The following DGKB variants were observed in gnomAD, a reference collection of about 807,000 sequenced individuals.
DGKB encodes the protein diacylglycerol kinase beta, also known as 90 kDa diacylglycerol kinase.
A neutral mutation model predicts 114.3 loss-of-function variants in DGKB; 67 were observed. The observed-to-expected ratio is 0.59, with a 90% CI of 0.48 to 0.72. DGKB has a LOEUF of 0.72. Among genes scored for constraint, DGKB ranks in the 30% least tolerant of loss-of-function variants. The pLI is 0.00. For synonymous variants in DGKB, 398 were observed against 323.1 expected (o/e 1.23, Z -2.49); for missense variants, 907 against 975.2 (o/e 0.93, Z 0.93).
At chr7:14,518,388 A>T (rs1180053916) in intron 20 of DGKB, among the ~76,000 whole-genome samples, 1 of 151,920 alleles carries the variant, frequency 6.6e-6, no homozygotes, top group Non-Finnish European at 1.5e-5. Flanking sequence ...GTAGCAAAAT[A>T]ATCTGTATAT....
intron 4 of DGKB, among the ~76,000 whole-genome samples, chr7:14,750,465 G>C (rs187480179): frequency 5.3e-5 from 8 of 152,178 alleles, no homozygotes; most frequent in Non-Finnish European, 1.0e-4. Flanking sequence ...CTATTACTTT[G>C]GGTCGTATAC....
intron 21 of DGKB, among the ~76,000 whole-genome samples, chr7:14,368,443 C>A (rs571595040): frequency 6.6e-6 from 1 of 152,032 alleles, no homozygotes; most frequent in African/African-American, 2.4e-5. Flanking sequence ...TAGCACTAGG[C>A]GTGGCACACA....
At chr7:14,438,960 G>A (rs910739177) in intron 21 of DGKB, among the ~76,000 whole-genome samples, 5 of 150,770 alleles carry the variant, frequency 3.3e-5, no homozygotes, top group Non-Finnish European at 7.4e-5. Context: ...CTATATGTGG[G>A]AAAATTATAT....
Position 14,938,427 on chromosome 7 carries a change from T to G in DGKB, c.-188+36269A>C, listed in dbSNP as rs528182945. ...GAGTTTCCTTCTTAACTAAAATAAA[T>G]AAAGAAAACTTTCAGTTGCATTATT... On this transcript the variant is annotated intron_variant, in intron 1 of 4. Transcript: ENST00000437998. 1.2e-3 allele frequency among the ~76,000 whole-genome samples: 187 copies of G among 152,224 alleles called. 2 individuals are homozygous for G. The highest frequency in any genetic ancestry group is 4.4e-3 in the African/African-American group (183 of 41,558).
At chr7:14,549,878 G>C (rs917596588) in intron 20 of DGKB, among the ~76,000 whole-genome samples, 1 of 151,858 alleles carries the variant, frequency 6.6e-6, no homozygotes, top group Non-Finnish European at 1.5e-5. Context: ...GTCCCAGCTG[G>C]TTGAGAGGCT....
intron 23 of DGKB, among the ~76,000 whole-genome samples, chr7:14,264,773 G>T (rs1310107103): frequency 1.3e-5 from 2 of 152,108 alleles, no homozygotes; most frequent in Non-Finnish European, 2.9e-5. Flanking sequence ...CAGCCCATTT[G>T]TGCACCCAGA....
intron 25 of DGKB, 34 bp from the exon 26 acceptor site, chr7:14,149,272 ATAGAG>A (rs750699514): frequency 7.5e-5 from 111 of 1,488,826 alleles, no homozygotes; most frequent in Middle Eastern, 1.7e-4. Flanking sequence ...GAGAGAAAGA[ATAGAG>A]TAATCTCCAG....
chr7:14,514,408 C>A (rs928437644), intron 20 of DGKB, among the ~76,000 whole-genome samples: 1 of 152,098 alleles, frequency 6.6e-6, no homozygotes, highest in East Asian at 1.9e-4. Flanking sequence ...AAGCTACTTA[C>A]AAGTAGAACT....
chr7:14,892,952 A>G (rs368036368), intron 1 of DGKB, among the ~76,000 whole-genome samples: 7 of 140,110 alleles, frequency 5.0e-5, no homozygotes, highest in Non-Finnish European at 3.3e-5. Flanking sequence ...ACACACACAT[A>G]TGTGTGTGTA....
chr7:14,746,278 G>C (rs912224655), intron 4 of DGKB, among the ~76,000 whole-genome samples: 5 of 152,118 alleles, frequency 3.3e-5, no homozygotes, highest in African/African-American at 1.2e-4. Context: ...AGGTTGCAGT[G>C]AGCTGAGATC....
rs543798997 is a variant in DGKB at position 14,312,279 on chromosome 7, G to A, written c.2122+26236C>T. Among the ~76,000 whole-genome samples the A allele has an allele frequency of 3.9e-5, 6 of 152,302 alleles. No individual in the cohort carries two copies. In the East Asian group the frequency reaches 1.2e-3, roughly 29 times the overall value. On this transcript the variant is annotated intron_variant, in intron 23 of 25. Transcript: ENST00000402815. ...CCATTATATCAGCAGTTCTGCAAAT[G>A]TGGTCTTTGAATCTTGAAGGTCCCT...
intron 2 of DGKB, among the ~76,000 whole-genome samples, chr7:14,776,265 G>A (rs187746073): frequency 1.5e-4 from 23 of 152,228 alleles, no homozygotes; most frequent in East Asian, 1.3e-3. Flanking sequence ...CTGATGATGC[G>A]ATAAAAAAAT....
At chr7:14,966,109 T>G (rs1054179429) in intron 1 of DGKB, among the ~76,000 whole-genome samples, 4 of 152,102 alleles carry the variant, frequency 2.6e-5, no homozygotes, top group African/African-American at 9.7e-5. Flanking sequence ...ATCTTAATAT[T>G]GGTTGAAGTT....
intron 1 of DGKB, among the ~76,000 whole-genome samples, chr7:14,970,804 C>T (rs1426261805): frequency 2.0e-5 from 3 of 152,056 alleles, no homozygotes; most frequent in Non-Finnish European, 2.9e-5. Flanking sequence ...TTGAATCTCT[C>T]TTTCAAATGT....
chr7:14,837,839 C>T lies in DGKB; in HGVS notation c.70+3355G>A, dbSNP rs142943941. The stretch of plus-strand genomic sequence containing the variant: ...TTATTACACAAGAATAGGTTCTAAT[C>T]ATGATATTCTTTGCTTCCTAATTAT... On this transcript the variant is annotated intron_variant, in intron 2 of 25. Coordinates refer to ENST00000402815, the MANE Select transcript of DGKB (RefSeq NM_001350709.2). 1.7e-3 allele frequency among the ~76,000 whole-genome samples: 260 copies of T among 152,284 alleles called. 1 individual carries two copies. The highest frequency in any genetic ancestry group is 5.9e-3 in the African/African-American group (244 of 41,572).
At chr7:14,212,918 A>G (rs146821876) in intron 23 of DGKB, among the ~76,000 whole-genome samples, 20 of 152,188 alleles carry the variant, frequency 1.3e-4, no homozygotes, top group African/African-American at 4.8e-4. Flanking sequence ...CGTAAACATT[A>G]TACATGACTA....
At chr7:14,934,820 G>T (rs1225559139) in intron 1 of DGKB, among the ~76,000 whole-genome samples, 1 of 152,126 alleles carries the variant, frequency 6.6e-6, no homozygotes, top group Non-Finnish European at 1.5e-5. Context: ...ACTCCATGTG[G>T]TTATTGATCT....
At chr7:14,177,417 G>A (rs545224134) in intron 24 of DGKB, among the ~76,000 whole-genome samples, 15 of 152,028 alleles carry the variant, frequency 9.9e-5, no homozygotes, top group African/African-American at 3.4e-4. Context: ...TAGCCAGGAT[G>A]TGTTGGCGGG....
At chr7:14,440,138 C>CAGGG (rs1019577731) in intron 21 of DGKB, among the ~76,000 whole-genome samples, 2 of 152,058 alleles carry the variant, frequency 1.3e-5, no homozygotes, top group African/African-American at 2.4e-5. Context: ...GTAGAAAGAG[C>CAGGG]AGGGAGGAGG....
Sources: gnomAD v4.1 joint callset for allele counts (sites outside exome capture counted in the v4.1 genomes callset) on GRCh38, gnomAD v4.1.1 for gene constraint, MANE v1.5 for transcripts, NCBI Gene and HGNC (gene_info 2026-07-23, HGNC 2026-07-21) for gene names.